MPHOSPH9: variants seen among roughly 807,000 people sequenced by gnomAD.
MPHOSPH9 encodes the protein M-phase phosphoprotein 9.
Under a neutral mutation model 145.5 loss-of-function variants are expected in MPHOSPH9, and 88 were observed. The ratio of observed to expected loss-of-function variants is 0.60; its 90% CI spans 0.51 to 0.72. The LOEUF (loss-of-function observed/expected upper bound fraction) is 0.72, where lower values mean the gene tolerates loss of function less well. MPHOSPH9 is among the 30% of genes least tolerant of loss of function. The pLI is 0.00. For missense variants in MPHOSPH9, 1,238 were observed against 1,386.6 expected (o/e 0.89, Z 1.70); for synonymous variants, 435 against 486.2 (o/e 0.89, Z 1.39).
chr12:123,171,764 A>C (rs1355893988), intron 16 of MPHOSPH9, among the ~76,000 whole-genome samples: 1 of 151,946 alleles, frequency 6.6e-6, no homozygotes, highest in Non-Finnish European at 1.5e-5. Flanking sequence ...AAACAAACAA[A>C]CAAACAAAAA....
rs772283236 is a variant in MPHOSPH9, at chr12:123,166,793, T to C, written c.2457-4A>G. On this transcript the variant is annotated splice_region_variant and splice_polypyrimidine_tract_variant and intron_variant, in intron 16 of 23. Coordinates refer to ENST00000606320, the MANE Select transcript of MPHOSPH9 (RefSeq NM_022782.4). ...GACGTCTGAAGTTGCTAGTGTGCTA[T>C]TAGAATGAAAACGGTCAGGCATTAT... The C allele has an allele frequency of 1.2e-6, 2 of 1,610,554 alleles. No individual in the cohort carries two copies. The highest frequency in any genetic ancestry group is 1.7e-6 in the Non-Finnish European group (2 of 1,179,174).
At position 123,159,471 on chromosome 12, in the gene MPHOSPH9, T is replaced by TTTTTTTTTG. The variant is rs2044016023; in HGVS notation, c.3450+1301_3450+1309dup. ...AGCCATTGCGCCTGGCCATGGCAGGTTTTTTTTTGTTTTTTTTGTTGTTGT... is the reference window on the plus strand; with the variant it reads ...AGCCATTGCGCCTGGCCATGGCAGGTTTTTTTTTGTTTTTTTTGTTTTTTTTGTTGTTGT... On this transcript the variant is annotated intron_variant, in intron 23 of 23. Transcript: ENST00000606320. This position sits in a 1 kb window ranked among gnomAD's most constrained non-coding sequence, Gnocchi z 4.3. 6.6e-6 allele frequency among the ~76,000 whole-genome samples: 1 copy of TTTTTTTTTG among 151,414 alleles called. No individual in the cohort carries two copies. The highest frequency in any genetic ancestry group is 2.4e-5 in the African/African-American group (1 of 41,216).
chr12:123,164,437 C>T (rs1199623338), intron 18 of MPHOSPH9, among the ~76,000 whole-genome samples: 1 of 151,960 alleles, frequency 6.6e-6, no homozygotes, highest in East Asian at 1.9e-4. Context: ...GAGATGTAAC[C>T]GCAAAGACGC....
intron 16 of MPHOSPH9, among the ~76,000 whole-genome samples, chr12:123,170,577 T>G (rs1441575258): frequency 6.6e-6 from 1 of 152,236 alleles, no homozygotes; most frequent in Non-Finnish European, 1.5e-5. Flanking sequence ...CCACCACACC[T>G]GGCCTTTAAT....
intron 15 of MPHOSPH9, among the ~76,000 whole-genome samples, chr12:123,178,602 C>T (rs2044986114): frequency 6.6e-6 from 1 of 152,210 alleles, no homozygotes; most frequent in South Asian, 2.1e-4. Context: ...TGGCTCACTG[C>T]AACCTCCGTC....
intron 13 of MPHOSPH9, among the ~76,000 whole-genome samples, chr12:123,185,040 G>A (rs1403241658): frequency 6.6e-6 from 1 of 152,174 alleles, no homozygotes; most frequent in African/African-American, 2.4e-5. Flanking sequence ...CTGGCCTCAA[G>A]TGATCCACCC....
At chr12:123,164,715 T>C (rs1312723029) in intron 18 of MPHOSPH9, among the ~76,000 whole-genome samples, 1 of 152,144 alleles carries the variant, frequency 6.6e-6, no homozygotes, top group Admixed American at 6.5e-5. Context: ...CCAGGAGCAG[T>C]GGTTCACGCC....
In MPHOSPH9 at chr12:123,161,174, C is replaced by G. The variant is rs1342579201; in HGVS notation, c.3343G>C (p.Glu1115Gln). The change falls in exon 22 of 24, where the codon GAA becomes CAA. Residue 1115 changes from glutamate (E) to glutamine (Q), a missense_variant. Glu to Gln is a conservative substitution (Grantham distance 29, BLOSUM62 2). Transcript: ENST00000606320. Reference sequence around the variant, plus strand: ...TTTGTAAGTTCATCAAAAAATCGTTCTGTTTCAGCTAGGGTCCGAATTTTT... The same window carrying G: ...TTTGTAAGTTCATCAAAAAATCGTTGTGTTTCAGCTAGGGTCCGAATTTTT... ...TAKIRTLAET[E>Q]RFFDELTKEK... The G allele has an allele frequency of 4.3e-6, 7 of 1,613,854 alleles. No homozygotes were observed. The highest frequency in any genetic ancestry group is 5.9e-6 in the Non-Finnish European group (7 of 1,179,972).
intron 11 of MPHOSPH9, among the ~76,000 whole-genome samples, chr12:123,200,681 C>T (rs2046184068): frequency 6.8e-6 from 1 of 147,330 alleles, no homozygotes; most frequent in Non-Finnish European, 1.5e-5. Context: ...AACTGAGTCT[C>T]ACTCTGTCGC....
chr12:123,176,623 T>C (rs765440596), intron 16 of MPHOSPH9, 65 bp downstream of exon 16: 3 of 1,212,862 alleles, frequency 2.5e-6, no homozygotes, highest in Non-Finnish European at 3.6e-6. Context: ...GACAGATGAG[T>C]TTCTCGTCTT....
chr12:123,196,991 G>A (rs1337994759), intron 12 of MPHOSPH9, among the ~76,000 whole-genome samples: 1 of 149,694 alleles, frequency 6.7e-6, no homozygotes, highest in Non-Finnish European at 1.5e-5. Flanking sequence ...GCCAGGGTGT[G>A]GAAGGACAGA....
In MPHOSPH9 at chr12:123,183,470, C is replaced by T. The variant is rs912927838; in HGVS notation, c.2242-2260G>A. On this transcript the variant is annotated intron_variant, in intron 13 of 23. Coordinates refer to ENST00000606320, the MANE Select transcript of MPHOSPH9 (RefSeq NM_022782.4). ...GGCTGAGGCAGGAAAATTGCTTGAA[C>T]TTGGAAGGCAGAGGTTGCAGTGAAC... Among the ~76,000 whole-genome samples the T allele has an allele frequency of 3.0e-5, 4 of 135,016 alleles. No homozygotes were observed. The Admixed American group carries it at 3.6e-4, about 12-fold the overall frequency. 88.6% of individuals were successfully genotyped at this position (135,016 alleles called of 152,430 possible).
At chr12:123,233,605 G>C (rs561527918), upstream of MPHOSPH9, 3 of 152,372 alleles carry the variant, frequency 2.0e-5, no homozygotes, top group Admixed American at 6.5e-5. Context: ...AGAGGACTGC[G>C]AGCCGGGACG....
chr12:123,222,765 G>T (rs528975912), intron 4 of MPHOSPH9, among the ~76,000 whole-genome samples: 1 of 152,102 alleles, frequency 6.6e-6, no homozygotes, highest in Admixed American at 6.6e-5. Context: ...GGCAAAACCC[G>T]TCTCTACTAA....
intron 11 of MPHOSPH9, among the ~76,000 whole-genome samples, chr12:123,201,464 C>T (rs750739826): frequency 7.2e-5 from 11 of 152,102 alleles, no homozygotes; most frequent in Non-Finnish European, 1.3e-4. Context: ...ACTGCAGCCT[C>T]GACCTCCTGA....
intron 13 of MPHOSPH9, among the ~76,000 whole-genome samples, chr12:123,192,857 A>G (rs1292056511): frequency 6.6e-6 from 1 of 151,464 alleles, no homozygotes; most frequent in Admixed American, 6.6e-5. Context: ...AGGTGGGCGG[A>G]TCAAGAGGTC....
At chr12:123,160,633 A>G in intron 23 of MPHOSPH9, 148 bp downstream of exon 23, 2 of 639,976 alleles carry the variant, frequency 3.1e-6, no homozygotes, top group Middle Eastern at 5.7e-4. Context: ...TGCTATAATC[A>G]AACACTTCCC....
intron 13 of MPHOSPH9, among the ~76,000 whole-genome samples, chr12:123,187,028 G>A (rs1306619064): frequency 2.0e-5 from 3 of 152,156 alleles, no homozygotes; most frequent in Non-Finnish European, 4.4e-5. Context: ...GGAGGCTGAG[G>A]CGGGCAGATC....
At chr12:123,196,436 T>C (rs1285723554) in intron 12 of MPHOSPH9, among the ~76,000 whole-genome samples, 1 of 152,176 alleles carries the variant, frequency 6.6e-6, no homozygotes, top group Non-Finnish European at 1.5e-5. Flanking sequence ...TACTCTATGA[T>C]AGCTATCATG....
Sources: gnomAD v4.1 joint callset for allele counts (sites outside exome capture counted in the v4.1 genomes callset) on GRCh38, gnomAD v4.1.1 for gene constraint, Gnocchi (gnomAD v3.1) non-coding constraint, MANE v1.5 for transcripts, NCBI Gene and HGNC (gene_info 2026-07-23, HGNC 2026-07-21) for gene names.